ZNF569: variants seen among roughly 807,000 people sequenced by gnomAD.
ZNF569 encodes the protein zinc finger protein 569, also known as DNA-binding protein.
A neutral mutation model predicts 56.3 loss-of-function variants in ZNF569; 38 were observed. That is an observed-to-expected ratio of 0.68 (90% CI 0.52 to 0.88). The LOEUF is 0.88. ZNF569 is among the 40% of genes least tolerant of loss of function. The probability of loss-of-function intolerance (pLI) is 0.00; values close to 1 mark genes in which losing one functional copy is unlikely to be tolerated. For synonymous variants in ZNF569, 241 were observed against 262.9 expected, an observed-to-expected ratio of 0.92 and a Z score of 0.81; for missense variants, 666 against 809.2, an observed-to-expected ratio of 0.82 and a Z score of 2.15.
upstream of ZNF569, chr19:37,469,205 CGT>C (rs2041908406): frequency 7.8e-7 from 1 of 1,283,018 alleles, no homozygotes; most frequent in East Asian, 3.5e-5. Context: ...GGGAGGAGGC[CGT>C]GTTACAAACC....
rs2040888753 is a variant in ZNF569 at position 37,414,148 on chromosome 19, A to G, written c.510T>C (p.Pro170=). 1.9e-6 allele frequency: 3 copies of G among 1,613,600 alleles called. No homozygotes were observed. Among genetic ancestry groups the G allele is most frequent in the Non-Finnish European group, 2.5e-6 (3 of 1,179,882 alleles). The change falls in exon 6 of 6, where the codon CCT becomes CCC. Residue 170 remains proline (P), a synonymous_variant. Coordinates refer to ENST00000316950, the MANE Select transcript of ZNF569 (RefSeq NM_152484.3). ...ATGAGCTATTACCATATGATTTCAC[A>G]GGTTCATTATATTCACAATGCTCCT... ...MRKEHCEYNE[P]VKSYGNSSSH... is the part of the protein sequence containing the mutation.
intron 2 of ZNF569, chr19:37,454,864 C>T (rs1221477358): frequency 1.4e-6 from 1 of 702,294 alleles, no homozygotes; most frequent in Non-Finnish European, 2.6e-6. Context: ...AGAGTCCATC[C>T]CAGGTAAGTA....
intron 3 of ZNF569, among the ~76,000 whole-genome samples, chr19:37,438,476 G>T (rs541725280): frequency 1.3e-5 from 2 of 152,004 alleles, no homozygotes; most frequent in Non-Finnish European, 2.9e-5. Context: ...CATCTCCAGC[G>T]AACTCATTTT....
chr19:37,437,855 C>A (rs1289627043), intron 3 of ZNF569, among the ~76,000 whole-genome samples: 1 of 123,948 alleles, frequency 8.1e-6, no homozygotes, highest in African/African-American at 2.5e-5. Flanking sequence ...AGTCCATGCT[C>A]ATGGGTTGGA....
chr19:37,419,197 T>C (rs1171410666), intron 5 of ZNF569, among the ~76,000 whole-genome samples: 1 of 152,230 alleles, frequency 6.6e-6, no homozygotes, highest in Admixed American at 6.5e-5. Context: ...AGATGCATAG[T>C]TTGCAAATAT....
chr19:37,430,194 CAA>C (rs57159479), intron 3 of ZNF569, among the ~76,000 whole-genome samples: 30,912 of 132,960 alleles, frequency 0.23, 3,380 homozygotes, highest in South Asian at 0.35. Context: ...GACCCTATCT[CAA>C]AAAAAAAAAA....
rs2040835742 is a variant in ZNF569, at chr19:37,411,178, A to G, written c.*1419T>C. 6.6e-6 allele frequency: 1 copy of G among 152,166 alleles called. No individual in the cohort carries two copies. The highest frequency in any genetic ancestry group is 2.1e-4 in the South Asian group (1 of 4,830). The allele number at this position is 152,166 out of a possible 1,614,324, so 9.4% of individuals were successfully genotyped here. On this transcript the variant is annotated 3_prime_UTR_variant, in exon 6 of 6. Coordinates refer to ENST00000316950, the MANE Select transcript of ZNF569 (RefSeq NM_152484.3). Reference sequence around the variant, plus strand: ...CATATTTGCTTTCACTCTTTTATTAAAGAAATATTACAGATAAATATAACA... The same window carrying G: ...CATATTTGCTTTCACTCTTTTATTAGAGAAATATTACAGATAAATATAACA...
intron 2 of ZNF569, among the ~76,000 whole-genome samples, chr19:37,450,481 T>C (rs1186088191): frequency 2.0e-5 from 3 of 152,224 alleles, no homozygotes; most frequent in Non-Finnish European, 4.4e-5. Flanking sequence ...TTTACTTCTG[T>C]GGCATCAGTT....
chr19:37,450,046 T>G (rs184274730), intron 2 of ZNF569, among the ~76,000 whole-genome samples: 164 of 152,354 alleles, frequency 1.1e-3, no homozygotes, highest in African/African-American at 3.5e-3. Flanking sequence ...TTTAATGTAC[T>G]GTTGGACATG....
intron 5 of ZNF569, among the ~76,000 whole-genome samples, chr19:37,420,156 T>C (rs2041009357): frequency 6.6e-6 from 1 of 151,684 alleles, no homozygotes; most frequent in African/African-American, 2.4e-5. Context: ...CAGGCTAATT[T>C]TTTTTGTGTT....
At chr19:37,459,171 A>T (rs187580605) in intron 2 of ZNF569, among the ~76,000 whole-genome samples, 1 of 152,294 alleles carries the variant, frequency 6.6e-6, no homozygotes, top group East Asian at 1.9e-4. Context: ...GAATGTTTCA[A>T]ATTAGTGACA....
chr19:37,437,318 G>A (rs936983288), intron 3 of ZNF569, among the ~76,000 whole-genome samples: 4 of 152,144 alleles, frequency 2.6e-5, no homozygotes, highest in African/African-American at 9.6e-5. Flanking sequence ...ACTGAGTACA[G>A]AAGGAACATA....
intron 2 of ZNF569, among the ~76,000 whole-genome samples, chr19:37,447,843 G>A (rs1003537119): frequency 6.6e-6 from 1 of 152,116 alleles, no homozygotes; most frequent in African/African-American, 2.4e-5. Context: ...GTGCTTTTCT[G>A]CATCTACTAA....
chr19:37,425,879 C>G lies in ZNF569; in HGVS notation c.227G>C (p.Arg76Thr). 2 of 1,613,864 alleles carry G rather than the reference C, an allele frequency of 1.2e-6. No homozygotes were observed. Among genetic ancestry groups the G allele is most frequent in the East Asian group, 4.5e-5 (2 of 44,862 alleles). Residue 76 changes from arginine to threonine, a missense_variant, in exon 5 of 6, where the codon AGA (arginine) becomes ACA (threonine). Arg to Thr is a moderately conservative substitution (Grantham distance 71). Transcript: ENST00000316950. Reference protein sequence around the residue: ...PWVMEEEVLRRHWQGEIWGVD... With the variant: ...PWVMEEEVLRTHWQGEIWGVD... ...TCCCTTCCACTAACCTTGCCAGTGT[C>G]TCCTTAATACTTCTTCCTCCATCAC...
At chr19:37,422,957 T>A (rs879378097) in intron 5 of ZNF569, among the ~76,000 whole-genome samples, 30 of 152,138 alleles carry the variant, frequency 2.0e-4, no homozygotes, top group Admixed American at 1.9e-3. Flanking sequence ...AACAAGCAAC[T>A]GTTAGCTAAA....
chr19:37,414,294 C>T lies in ZNF569; in HGVS notation c.364G>A (p.Val122Ile), dbSNP rs778293381. Reference sequence around the variant, plus strand: ...AAAAAATCAGAGTTCAGAGGAAATACATTTGCAAATTTCTTTTGACATTCA... The same window carrying T: ...AAAAAATCAGAGTTCAGAGGAAATATATTTGCAAATTTCTTTTGACATTCA... ...GNECQKKFANVFPLNSDFFPS... is the reference protein window; with the variant it reads ...GNECQKKFANIFPLNSDFFPS... The change falls in exon 6 of 6, where the codon GTA (valine) becomes ATA (isoleucine). Residue 122 changes from valine (V) to isoleucine (I), a missense_variant. Physicochemically the swap from Val to Ile is conservative, Grantham distance 29. Transcript: ENST00000316950. The T allele has an allele frequency of 3.1e-6, 5 of 1,613,624 alleles. No homozygotes were observed. The highest frequency in any genetic ancestry group is 4.2e-6 in the Non-Finnish European group (5 of 1,179,780).
chr19:37,468,070 TG>T (rs1444780587), upstream of ZNF569: 3 of 687,674 alleles, frequency 4.4e-6, no homozygotes, highest in Non-Finnish European at 6.8e-6. Context: ...ATGCCTTTCG[TG>T]TTTTTTTTTT....
At chr19:37,446,183 A>G (rs1254112620) in intron 2 of ZNF569, among the ~76,000 whole-genome samples, 1 of 152,210 alleles carries the variant, frequency 6.6e-6, no homozygotes, top group Non-Finnish European at 1.5e-5. Context: ...CAAAACAAAC[A>G]AAAACATAAA....
intron 2 of ZNF569, among the ~76,000 whole-genome samples, chr19:37,451,071 G>A (rs1278402666): frequency 1.3e-5 from 2 of 152,100 alleles, no homozygotes; most frequent in Non-Finnish European, 2.9e-5. Flanking sequence ...ATGTGTACTG[G>A]AGAAGAATAT....
Sources: allele counts gnomAD v4.1 joint callset (sites outside exome capture counted in the v4.1 genomes callset), GRCh38; gene constraint gnomAD v4.1.1; transcripts MANE v1.5; gene names NCBI Gene and HGNC (gene_info 2026-07-23, HGNC 2026-07-21).